The following SGCZ variants were observed in gnomAD, a reference collection of about 807,000 sequenced individuals.
SGCZ encodes zeta-sarcoglycan.
In SGCZ, 40 loss-of-function variants were observed where a neutral mutation model predicts 41.3. The observed-to-expected ratio is 0.97, with a 90% CI of 0.75 to 1.26. The LOEUF is 1.26. Among genes scored for constraint, SGCZ ranks in the 50% most tolerant of loss-of-function variants. SGCZ has a pLI of 0.00. For synonymous variants in SGCZ, 206 were observed against 137.5 expected, an observed-to-expected ratio of 1.50 and a Z score of -3.49; for missense variants, 552 against 369.8, an observed-to-expected ratio of 1.49 and a Z score of -4.04.
chr8:14,829,265 C>A (rs929407468), intron 1 of SGCZ, among the ~76,000 whole-genome samples: 4 of 120,272 alleles, frequency 3.3e-5, no homozygotes, highest in East Asian at 4.1e-4. Flanking sequence ...CAACATTTAG[C>A]TACCACTAGT....
At chr8:14,879,054 G>C (rs12677131) in intron 1 of SGCZ, 15 of 152,228 alleles carry the variant, frequency 9.9e-5, no homozygotes, top group African/African-American at 3.6e-4. Context: ...GCCAGGTGTG[G>C]TGGCTCATGC....
intron 2 of SGCZ, among the ~76,000 whole-genome samples, chr8:14,414,007 C>T (rs1013228917): frequency 2.0e-5 from 3 of 151,886 alleles, no homozygotes; most frequent in Admixed American, 1.3e-4. Context: ...TCTCAAGATA[C>T]CCCATGAAAA....
At chr8:14,610,753 C>G (rs1805901726) in intron 1 of SGCZ, among the ~76,000 whole-genome samples, 1 of 152,050 alleles carries the variant, frequency 6.6e-6, no homozygotes, top group African/African-American at 2.4e-5. Flanking sequence ...GACACTGCCT[C>G]AAGGAGAGGG....
At chr8:14,987,682 A>G (rs1801871926) in intron 1 of SGCZ, among the ~76,000 whole-genome samples, 1 of 151,978 alleles carries the variant, frequency 6.6e-6, no homozygotes, top group Non-Finnish European at 1.5e-5. Context: ...GGGCATCTTT[A>G]CTGGAAGAAA....
chr8:14,322,979 A>T (rs1383278841), intron 3 of SGCZ, among the ~76,000 whole-genome samples: 4 of 152,138 alleles, frequency 2.6e-5, no homozygotes, highest in Admixed American at 2.6e-4. Context: ...AAGTTTAATT[A>T]TGTAAGGTCA....
Position 14,369,564 on chromosome 8 carries a change from C to T in SGCZ, c.235-45360G>A, listed in dbSNP as rs145057838. 6.0e-3 allele frequency among the ~76,000 whole-genome samples: 911 copies of T among 151,988 alleles called. 7 individuals are homozygous for T. Among genetic ancestry groups the T allele is most frequent in the Middle Eastern group, 0.017 (5 of 294 alleles). ...TTCTCTACTGTAATATTATTTTATT[C>T]ATTGTAATTTATAAGTATTTTATGG... On this transcript the variant is annotated intron_variant, in intron 2 of 7. Coordinates refer to ENST00000382080, the MANE Select transcript of SGCZ (RefSeq NM_139167.4).
At chr8:14,769,564 G>C (rs1800160673) in intron 1 of SGCZ, among the ~76,000 whole-genome samples, 1 of 152,134 alleles carries the variant, frequency 6.6e-6, no homozygotes, top group Admixed American at 6.5e-5. Flanking sequence ...AGCTGAGGCA[G>C]GTGGATCATC....
chr8:14,977,031 T>C (rs1801500853), intron 1 of SGCZ, among the ~76,000 whole-genome samples: 1 of 152,246 alleles, frequency 6.6e-6, no homozygotes, highest in African/African-American at 2.4e-5. Context: ...TCCTTGAGTC[T>C]ACAAACACCA....
chr8:15,088,132 C>T (rs1219762328), intron 1 of SGCZ, among the ~76,000 whole-genome samples: 1 of 152,090 alleles, frequency 6.6e-6, no homozygotes, highest in Non-Finnish European at 1.5e-5. Context: ...ATAGGCAGTG[C>T]AATATGCATG....
intron 2 of SGCZ, among the ~76,000 whole-genome samples, chr8:14,495,262 G>T (rs750971919): frequency 6.6e-6 from 1 of 152,146 alleles, no homozygotes; most frequent in Non-Finnish European, 1.5e-5. Context: ...TTTGTAACCA[G>T]TTCACAATGA....
In SGCZ at chr8:14,270,550, C is replaced by T. The variant is rs1252712077; in HGVS notation, c.337-32871G>A. Among the ~76,000 whole-genome samples, 2 of 151,488 alleles carry T rather than the reference C, an allele frequency of 1.3e-5. 1 individual carries two copies. The highest frequency in any genetic ancestry group is 2.9e-5 in the Non-Finnish European group (2 of 68,002). On this transcript the variant is annotated intron_variant, in intron 3 of 7. Coordinates refer to ENST00000382080, the MANE Select transcript of SGCZ (RefSeq NM_139167.4). Reference sequence around the variant, plus strand: ...GTATAAAACAATATTTCCAATTATCCCTTTACTTATTCCCTGAAGGGATTT... The same window carrying T: ...GTATAAAACAATATTTCCAATTATCTCTTTACTTATTCCCTGAAGGGATTT...
chr8:15,110,130 A>G (rs1240408112), intron 1 of SGCZ, among the ~76,000 whole-genome samples: 1 of 152,188 alleles, frequency 6.6e-6, no homozygotes, highest in Non-Finnish European at 1.5e-5. Flanking sequence ...ATGGCACGTT[A>G]GTGAGAATAT....
intron 1 of SGCZ, among the ~76,000 whole-genome samples, chr8:15,162,759 T>G (rs532176491): frequency 3.4e-4 from 51 of 152,214 alleles, no homozygotes; most frequent in Non-Finnish European, 6.8e-4. Flanking sequence ...ATTTAGTAAT[T>G]TATTAGATTT....
intron 2 of SGCZ, among the ~76,000 whole-genome samples, chr8:14,419,837 G>T (rs1463433399): frequency 6.6e-6 from 1 of 151,988 alleles, no homozygotes; most frequent in Non-Finnish European, 1.5e-5. Context: ...ACGGAATACT[G>T]AATTTGCTGA....
intron 1 of SGCZ, among the ~76,000 whole-genome samples, chr8:14,641,309 T>A (rs1807018806): frequency 6.6e-6 from 1 of 151,734 alleles, no homozygotes; most frequent in Non-Finnish European, 1.5e-5. Flanking sequence ...TAAAAATTCT[T>A]GATAAAGTTT....
At chr8:14,303,976 T>C (rs1433077995) in intron 3 of SGCZ, among the ~76,000 whole-genome samples, 1 of 151,538 alleles carries the variant, frequency 6.6e-6, no homozygotes, top group Non-Finnish European at 1.5e-5. Context: ...GGCCTCGAAC[T>C]CCTGACCTCA....
At chr8:15,063,444 G>A (rs1017093492) in intron 1 of SGCZ, among the ~76,000 whole-genome samples, 1 of 152,132 alleles carries the variant, frequency 6.6e-6, no homozygotes, top group Non-Finnish European at 1.5e-5. Flanking sequence ...ATATTAAAGT[G>A]AGACAAAATA....
intron 3 of SGCZ, among the ~76,000 whole-genome samples, chr8:14,275,661 C>T (rs772174355): frequency 6.6e-6 from 1 of 152,174 alleles, no homozygotes; most frequent in Non-Finnish European, 1.5e-5. Flanking sequence ...CACTGATAGG[C>T]AACTCTGTTT....
intron 1 of SGCZ, among the ~76,000 whole-genome samples, chr8:15,224,664 A>C (rs893006860): frequency 1.3e-5 from 2 of 152,212 alleles, no homozygotes; most frequent in African/African-American, 4.8e-5. Flanking sequence ...TCTAAAATCT[A>C]ACTATATGCT....
Sources: allele counts gnomAD v4.1 joint callset (sites outside exome capture counted in the v4.1 genomes callset), GRCh38; gene constraint gnomAD v4.1.1; transcripts MANE v1.5; gene names NCBI Gene and HGNC (gene_info 2026-07-23, HGNC 2026-07-21).